RBFOX1: variants seen among roughly 807,000 people sequenced by gnomAD.
RBFOX1 encodes RNA binding fox-1 homolog 1, also known as RNA binding protein fox-1 homolog 1.
In RBFOX1, 8 loss-of-function variants were observed where a neutral mutation model predicts 57.7. The observed-to-expected ratio is 0.14, with a 90% CI of 0.08 to 0.25. The LOEUF is 0.25. RBFOX1 is among the 10% of genes least tolerant of loss of function. The pLI is 1.00. For synonymous variants in RBFOX1, 326 were observed against 222.4 expected (o/e 1.47, Z -4.15); for missense variants, 611 against 548.5 (o/e 1.11, Z -1.14).
intron 3 of RBFOX1, among the ~76,000 whole-genome samples, chr16:6,682,417 A>C (rs2058792968): frequency 7.2e-5 from 11 of 152,184 alleles, no homozygotes; most frequent in Admixed American, 7.2e-4. Flanking sequence ...GACTAAAAAA[A>C]AAGTGTTTCA....
intron 2 of RBFOX1, among the ~76,000 whole-genome samples, chr16:6,401,297 C>G (rs1350109117): frequency 1.3e-5 from 2 of 152,110 alleles, no homozygotes; most frequent in Non-Finnish European, 2.9e-5. Flanking sequence ...GAGATTGGAG[C>G]TCACTGAATG....
Position 7,020,092 on chromosome 16 carries a change from A to T in RBFOX1, c.-15-31965A>T, listed in dbSNP as rs565686758. Among the ~76,000 whole-genome samples the T allele has an allele frequency of 4.0e-5, 6 of 150,878 alleles. 1 individual carries two copies. The South Asian group carries it at 1.3e-3, about 31-fold the overall frequency. On this transcript the variant is annotated intron_variant, in intron 3 of 15. Coordinates refer to ENST00000550418, the MANE Select transcript of RBFOX1 (RefSeq NM_018723.4). ...GTCTTCCTGTAGCCTCCCCACTTCC[A>T]TTGTCAAGGTATTTACTACAATTGT...
chr16:6,224,151 G>T (rs968293124), intron 1 of RBFOX1, among the ~76,000 whole-genome samples: 8 of 151,690 alleles, frequency 5.3e-5, no homozygotes, highest in Non-Finnish European at 1.2e-4. Flanking sequence ...CTCCAGCTTT[G>T]TTCTTTTGGC....
chr16:7,301,930 A>C (rs1052684202), intron 4 of RBFOX1, among the ~76,000 whole-genome samples: 10 of 152,176 alleles, frequency 6.6e-5, no homozygotes, highest in African/African-American at 2.2e-4. Context: ...AAATAAAGGC[A>C]GGTAGGAAGT....
intron 4 of RBFOX1, among the ~76,000 whole-genome samples, chr16:7,222,007 C>T (rs2092767074): frequency 6.6e-6 from 1 of 152,140 alleles, no homozygotes; most frequent in Admixed American, 6.5e-5. Context: ...TTATTTTTAC[C>T]ATTATTAGCC....
At chr16:6,474,394 C>T (rs1478346178) in intron 2 of RBFOX1, among the ~76,000 whole-genome samples, 18 of 152,126 alleles carry the variant, frequency 1.2e-4, no homozygotes. Context: ...CAAACGGGAG[C>T]CAAAGGCTTT....
At chr16:7,623,630 C>T (rs915172201) in intron 10 of RBFOX1, among the ~76,000 whole-genome samples, 1 of 152,202 alleles carries the variant, frequency 6.6e-6, no homozygotes, top group Non-Finnish European at 1.5e-5. Context: ...GCTCGCTCAC[C>T]TGCAGCTCAC....
At chr16:7,460,555 G>C (rs71386449) in intron 4 of RBFOX1, among the ~76,000 whole-genome samples, 3,669 of 147,236 alleles carry the variant, frequency 0.025, 66 homozygotes, top group Non-Finnish European at 0.04. Context: ...ACACACAGTG[G>C]GGTCTACCAG....
Position 6,400,431 on chromosome 16 carries a change from C to T in RBFOX1, c.-64+83374C>T, listed in dbSNP as rs141344941. ...ATGATATCTCAAGGCTTATGGGATC[C>T]GGCTAAAAAACAGAGTGAATGTATA... On this transcript the variant is annotated intron_variant, in intron 2 of 15. Coordinates refer to ENST00000550418, the MANE Select transcript of RBFOX1 (RefSeq NM_018723.4). Among the ~76,000 whole-genome samples the T allele has an allele frequency of 1.1e-3, 163 of 152,074 alleles. No homozygotes were observed. In the Middle Eastern group the frequency reaches 0.014, roughly 13 times the overall value.
At chr16:6,784,843 G>C (rs910936928) in intron 3 of RBFOX1, among the ~76,000 whole-genome samples, 14 of 152,050 alleles carry the variant, frequency 9.2e-5, no homozygotes, top group Admixed American at 9.2e-4. Flanking sequence ...TAAGAAAAAT[G>C]AGTAGAAGTT....
rs1346279448 is a variant in RBFOX1 at position 5,665,309 on chromosome 16, C to A, written c.318+66348C>A. 3.3e-5 allele frequency among the ~76,000 whole-genome samples: 5 copies of A among 152,256 alleles called. No homozygotes were observed. In the South Asian group the frequency reaches 1.0e-3, roughly 32 times the overall value. ...TGTCCCCTCTGCCCCAAATAGTCTG[C>A]CTCTTGCTTTCCAAGTGTCTGGCTC... On this transcript the variant is annotated intron_variant, in intron 3 of 19. Transcript: ENST00000641259.
chr16:5,370,284 C>T (rs905587103), intron 1 of RBFOX1, among the ~76,000 whole-genome samples: 3 of 152,018 alleles, frequency 2.0e-5, no homozygotes, highest in African/African-American at 7.3e-5. Context: ...GACAAGCCCC[C>T]AAGCGTGAGA....
intron 3 of RBFOX1, chr16:6,874,155 G>A (rs2061418468): frequency 7.1e-6 from 1 of 141,502 alleles, no homozygotes; most frequent in South Asian, 2.4e-4. Context: ...CAGTGAATAA[G>A]TGGATAAAGA....
chr16:5,965,596 T>A (rs1442891869), intron 4 of RBFOX1, among the ~76,000 whole-genome samples: 2 of 152,166 alleles, frequency 1.3e-5, no homozygotes, highest in Non-Finnish European at 2.9e-5. Flanking sequence ...ACATTTTTAA[T>A]GACTGGCACC....
intron 4 of RBFOX1, among the ~76,000 whole-genome samples, chr16:7,500,970 C>G (rs1028914026): frequency 1.3e-5 from 2 of 152,162 alleles, no homozygotes; most frequent in Non-Finnish European, 2.9e-5. Flanking sequence ...CTGCTTTGCT[C>G]GGCCCTTGTC....
intron 2 of RBFOX1, among the ~76,000 whole-genome samples, chr16:6,633,825 A>C (rs2098409499): frequency 6.6e-6 from 1 of 152,154 alleles, no homozygotes; most frequent in Non-Finnish European, 1.5e-5. Context: ...CCTGGGCAAC[A>C]CGGAAAGATG....
intron 3 of RBFOX1, among the ~76,000 whole-genome samples, chr16:7,020,628 T>A (rs1450930419): frequency 1.3e-5 from 2 of 152,156 alleles, no homozygotes; most frequent in East Asian, 3.9e-4. Flanking sequence ...CATGTCCACA[T>A]AAAGAGTGAT....
intron 4 of RBFOX1, among the ~76,000 whole-genome samples, chr16:7,384,404 A>G (rs966264768): frequency 2.6e-5 from 4 of 152,168 alleles, no homozygotes; most frequent in Non-Finnish European, 4.4e-5. Flanking sequence ...TTACAAAAAC[A>G]TGGCTCTCCT....
Position 6,737,410 on chromosome 16 carries a change from G to A in RBFOX1, c.-16+82760G>A, listed in dbSNP as rs546229015. Reference sequence around the variant, plus strand: ...AGAAATATTGGGCCTTCATGTAAGTGTGCATCACAGTATTAAAATAGAATT... The same window carrying A: ...AGAAATATTGGGCCTTCATGTAAGTATGCATCACAGTATTAAAATAGAATT... On this transcript the variant is annotated intron_variant, in intron 3 of 15. Transcript: ENST00000550418. 5.3e-5 allele frequency among the ~76,000 whole-genome samples: 8 copies of A among 152,242 alleles called. No homozygotes were observed. In the East Asian group the frequency reaches 9.6e-4, roughly 18 times the overall value.
Sources: gnomAD v4.1 joint callset for allele counts (sites outside exome capture counted in the v4.1 genomes callset) on GRCh38, gnomAD v4.1.1 for gene constraint, MANE v1.5 for transcripts, NCBI Gene and HGNC (gene_info 2026-07-23, HGNC 2026-07-21) for gene names.